The following LUZP2 variants were observed in gnomAD, a reference collection of about 807,000 sequenced individuals.
The protein encoded by LUZP2 is leucine zipper protein 2.
In LUZP2, 52 loss-of-function variants were observed where a neutral mutation model predicts 51.6. The ratio of observed to expected loss-of-function variants is 1.01; its 90% CI spans 0.81 to 1.27. The LOEUF (loss-of-function observed/expected upper bound fraction) is 1.27, where lower values mean the gene tolerates loss of function less well. LUZP2 is among the 50% of genes most tolerant of loss of function. The pLI is 0.00. For missense variants in LUZP2, 436 were observed against 395.4 expected, an observed-to-expected ratio of 1.10 and a Z score of -0.87; for synonymous variants, 154 against 137.3, an observed-to-expected ratio of 1.12 and a Z score of -0.85.
intron 1 of LUZP2, among the ~76,000 whole-genome samples, chr11:24,654,111 C>T (rs1192795552): frequency 6.6e-6 from 1 of 152,042 alleles, no homozygotes; most frequent in Non-Finnish European, 1.5e-5. Context: ...GATATACATA[C>T]AAAGAGGTCA....
chr11:24,660,618 C>T (rs1242203420), intron 1 of LUZP2, among the ~76,000 whole-genome samples: 1 of 152,062 alleles, frequency 6.6e-6, no homozygotes, highest in Non-Finnish European at 1.5e-5. Flanking sequence ...AATGTTCTTC[C>T]TGAGTAAAAA....
intron 5 of LUZP2, among the ~76,000 whole-genome samples, chr11:24,803,516 G>C (rs1056768749): frequency 6.7e-6 from 1 of 150,206 alleles, no homozygotes; most frequent in Non-Finnish European, 1.5e-5. Flanking sequence ...GTCTCAAAAA[G>C]ATATTCATAC....
intron 5 of LUZP2, among the ~76,000 whole-genome samples, chr11:24,815,438 A>C (rs1242472129): frequency 3.3e-5 from 5 of 152,194 alleles, no homozygotes; most frequent in African/African-American, 7.2e-5. Context: ...TGGCTATGGA[A>C]TTGGATGTTT....
chr11:24,950,544 G>A (rs1274794015), intron 7 of LUZP2, among the ~76,000 whole-genome samples: 3 of 151,468 alleles, frequency 2.0e-5, no homozygotes, highest in East Asian at 1.9e-4. Context: ...CTCTCTAACC[G>A]TAAGGATAAG....
intron 1 of LUZP2, among the ~76,000 whole-genome samples, chr11:24,539,959 A>G (rs1028942479): frequency 6.6e-6 from 1 of 151,944 alleles, no homozygotes; most frequent in African/African-American, 2.4e-5. Flanking sequence ...ATGTATGTAT[A>G]CATGTGTGTA....
intron 1 of LUZP2, among the ~76,000 whole-genome samples, chr11:24,687,935 A>G (rs896123616): frequency 6.6e-6 from 1 of 152,024 alleles, no homozygotes; most frequent in African/African-American, 2.4e-5. Context: ...GCACCCCCTT[A>G]GTTTCCTGCC....
At chr11:24,965,771 A>G (rs537270562) in intron 7 of LUZP2, among the ~76,000 whole-genome samples, 166 of 151,962 alleles carry the variant, frequency 1.1e-3, no homozygotes, top group African/African-American at 3.7e-3. Flanking sequence ...TAAAAAATAA[A>G]TATTAGGAAA....
chr11:24,748,762 C>CA (rs1216472560), intron 4 of LUZP2, among the ~76,000 whole-genome samples: 1 of 151,666 alleles, frequency 6.6e-6, no homozygotes, highest in East Asian at 1.9e-4. Context: ...CAGCTGACTT[C>CA]AAAAAATAAT....
chr11:24,620,043 C>T (rs944615447), intron 1 of LUZP2, among the ~76,000 whole-genome samples: 2 of 152,074 alleles, frequency 1.3e-5, no homozygotes, highest in African/African-American at 2.4e-5. Context: ...GGAAGGCTTG[C>T]CATTGTTTTC....
intron 4 of LUZP2, among the ~76,000 whole-genome samples, chr11:24,750,206 A>C (rs1859528503): frequency 6.6e-6 from 1 of 152,158 alleles, no homozygotes; most frequent in Admixed American, 6.5e-5. Flanking sequence ...CCACTCTTTT[A>C]CTTAATACTG....
intron 5 of LUZP2, among the ~76,000 whole-genome samples, chr11:24,866,462 T>C (rs1851899328): frequency 1.3e-5 from 2 of 152,300 alleles, no homozygotes; most frequent in South Asian, 2.1e-4. Flanking sequence ...CTGCTCAAGT[T>C]TCTTTCAGAA....
intron 5 of LUZP2, among the ~76,000 whole-genome samples, chr11:24,856,408 G>T (rs1481811347): frequency 6.6e-6 from 1 of 152,064 alleles, no homozygotes; most frequent in Non-Finnish European, 1.5e-5. Context: ...AGTCAGAATG[G>T]CTATTATTAA....
chr11:24,602,288 A>G (rs1424541800), intron 1 of LUZP2, among the ~76,000 whole-genome samples: 2 of 140,842 alleles, frequency 1.4e-5, no homozygotes, highest in South Asian at 4.2e-4. Context: ...ATACACACAT[A>G]TATATGTACA....
intron 9 of LUZP2, among the ~76,000 whole-genome samples, chr11:25,049,691 T>C (rs563748900): frequency 6.6e-6 from 1 of 152,054 alleles, no homozygotes; most frequent in South Asian, 2.1e-4. Context: ...GGGGTTAAAA[T>C]AAAAAGAAAG....
chr11:24,976,216 G>A (rs1003826110), intron 7 of LUZP2, among the ~76,000 whole-genome samples: 5 of 151,868 alleles, frequency 3.3e-5, no homozygotes, highest in East Asian at 3.9e-4. Context: ...ACAATAATGA[G>A]TTAGGCCTTC....
chr11:24,682,323 T>C (rs1174544864), intron 1 of LUZP2, among the ~76,000 whole-genome samples: 2 of 150,658 alleles, frequency 1.3e-5, no homozygotes, highest in African/African-American at 4.9e-5. Context: ...GCTGAAACAG[T>C]GTCTCTATTA....
At chr11:24,897,015 G>A (rs530277397) in intron 5 of LUZP2, among the ~76,000 whole-genome samples, 5 of 151,986 alleles carry the variant, frequency 3.3e-5, no homozygotes, top group Admixed American at 6.5e-5. Context: ...GTGTGTAAAC[G>A]CACCAATCAT....
chr11:25,075,888 T>G (rs1859285407), intron 10 of LUZP2, among the ~76,000 whole-genome samples: 1 of 152,184 alleles, frequency 6.6e-6, no homozygotes, highest in Non-Finnish European at 1.5e-5. Context: ...ACTCAGAATT[T>G]TTAGAGTTTA....
intron 7 of LUZP2, among the ~76,000 whole-genome samples, chr11:24,973,535 T>A (rs1855807283): frequency 6.6e-6 from 1 of 152,048 alleles, no homozygotes; most frequent in East Asian, 1.9e-4. Context: ...TGTTGTCACG[T>A]TGTTAATCTG....
Sources: gnomAD v4.1 joint callset for allele counts (sites outside exome capture counted in the v4.1 genomes callset) on GRCh38, gnomAD v4.1.1 for gene constraint, MANE v1.5 for transcripts, NCBI Gene and HGNC (gene_info 2026-07-23, HGNC 2026-07-21) for gene names.